The following GPC6 variants were observed in gnomAD, a reference collection of about 807,000 sequenced individuals.
GPC6 encodes glypican-6.
GPC6 carries 14 observed loss-of-function variants against 55.2 expected under a neutral mutation model. That is an observed-to-expected ratio of 0.25 (90% CI 0.17 to 0.40). GPC6 has a LOEUF of 0.40. GPC6 is among the 10% of genes least tolerant of loss of function. The pLI is 1.00. For missense variants in GPC6, 641 were observed against 708.5 expected (o/e 0.90, Z 1.08); for synonymous variants, 278 against 259.6 (o/e 1.07, Z -0.68).
chr13:94,156,730 C>T (rs1167053912), intron 4 of GPC6, among the ~76,000 whole-genome samples: 1 of 152,116 alleles, frequency 6.6e-6, no homozygotes, highest in African/African-American at 2.4e-5. Context: ...ATATTCAGAC[C>T]CATGCCCAGG....
chr13:93,283,360 A>G (rs1878009743), intron 1 of GPC6, among the ~76,000 whole-genome samples: 1 of 152,234 alleles, frequency 6.6e-6, no homozygotes, highest in East Asian at 1.9e-4. Context: ...GTAAGGTCGC[A>G]TAGGATGGCC....
chr13:93,394,412 T>C (rs954496543), intron 1 of GPC6, among the ~76,000 whole-genome samples: 1 of 152,342 alleles, frequency 6.6e-6, no homozygotes, highest in East Asian at 1.9e-4. Flanking sequence ...TTGGTGATTA[T>C]GTGGTTATTG....
chr13:93,320,287 C>A (rs1482880407), intron 1 of GPC6, among the ~76,000 whole-genome samples: 1 of 152,002 alleles, frequency 6.6e-6, no homozygotes, highest in Non-Finnish European at 1.5e-5. Context: ...CATTGCCTTG[C>A]AGTTATTAAG....
intron 2 of GPC6, among the ~76,000 whole-genome samples, chr13:93,784,536 C>T (rs577729984): frequency 2.6e-5 from 4 of 152,300 alleles, no homozygotes; most frequent in African/African-American, 9.6e-5. Context: ...AAGCACCTAG[C>T]CTTCAGCTTA....
chr13:93,944,016 G>A (rs1317724368), intron 3 of GPC6, among the ~76,000 whole-genome samples: 3 of 152,134 alleles, frequency 2.0e-5, no homozygotes, highest in Non-Finnish European at 4.4e-5. Flanking sequence ...TATCTGGGGG[G>A]TTCTCTGAAG....
intron 1 of GPC6, among the ~76,000 whole-genome samples, chr13:93,486,857 A>G (rs986793067): frequency 2.0e-5 from 3 of 152,086 alleles, no homozygotes; most frequent in African/African-American, 7.2e-5. Flanking sequence ...AGGCAGGAGA[A>G]TAGCTTGAAC....
At chr13:93,652,325 A>C (rs991988970) in intron 2 of GPC6, among the ~76,000 whole-genome samples, 8 of 151,946 alleles carry the variant, frequency 5.3e-5, no homozygotes, top group East Asian at 1.9e-4. Context: ...ATATTATCTC[A>C]CTCTAGTCTC....
chr13:94,269,557 C>T (rs1891927062), intron 4 of GPC6, among the ~76,000 whole-genome samples: 1 of 152,118 alleles, frequency 6.6e-6, no homozygotes, highest in African/African-American at 2.4e-5. Context: ...AATCAGCTAC[C>T]CCGGTGCACA....
intron 1 of GPC6, among the ~76,000 whole-genome samples, chr13:93,466,985 C>A (rs1878927605): frequency 6.6e-6 from 1 of 152,136 alleles, no homozygotes; most frequent in Non-Finnish European, 1.5e-5. Flanking sequence ...AAAGGGGAGT[C>A]TATGAGGTAA....
At chr13:93,627,098 G>A (rs573829810) in intron 2 of GPC6, among the ~76,000 whole-genome samples, 22 of 151,938 alleles carry the variant, frequency 1.4e-4, no homozygotes, top group Admixed American at 4.6e-4. Flanking sequence ...GTAGTTTGCC[G>A]CACCCATCAA....
At chr13:93,722,005 T>C (rs574678671) in intron 2 of GPC6, among the ~76,000 whole-genome samples, 17 of 151,966 alleles carry the variant, frequency 1.1e-4, no homozygotes, top group Non-Finnish European at 2.2e-4. Context: ...TAAGCCTTAC[T>C]CATTATTCAG....
intron 2 of GPC6, among the ~76,000 whole-genome samples, chr13:93,632,011 A>C (rs1879464937): frequency 6.6e-6 from 1 of 152,264 alleles, no homozygotes; most frequent in African/African-American, 2.4e-5. Flanking sequence ...AGGGAAAGGG[A>C]TAAGATTCTG....
At chr13:93,758,320 C>T (rs949034005) in intron 2 of GPC6, among the ~76,000 whole-genome samples, 1 of 152,250 alleles carries the variant, frequency 6.6e-6, no homozygotes, top group South Asian at 2.1e-4. Flanking sequence ...AAGGAAGTGT[C>T]GGCAAGTGTT....
intron 2 of GPC6, among the ~76,000 whole-genome samples, chr13:93,581,147 G>T (rs1876918049): frequency 6.6e-6 from 1 of 152,082 alleles, no homozygotes. Context: ...AACTAAAAAG[G>T]CTGACTCTCA....
At chr13:94,158,277 G>A (rs1888025925) in intron 4 of GPC6, among the ~76,000 whole-genome samples, 1 of 151,340 alleles carries the variant, frequency 6.6e-6, no homozygotes, top group African/African-American at 2.4e-5. Flanking sequence ...TTAATAAATT[G>A]TTTCAGATGT....
chr13:93,717,993 C>A (rs1883311581), intron 2 of GPC6, among the ~76,000 whole-genome samples: 1 of 151,862 alleles, frequency 6.6e-6, no homozygotes, highest in Admixed American at 6.6e-5. Flanking sequence ...GCCACATTTT[C>A]TTTATCCAGT....
intron 4 of GPC6, among the ~76,000 whole-genome samples, chr13:94,246,528 T>C (rs1001950387): frequency 6.6e-6 from 1 of 152,088 alleles, no homozygotes; most frequent in South Asian, 2.1e-4. Flanking sequence ...TCCAAGTTGA[T>C]TTTTATGCAT....
At chr13:94,117,858 T>C (rs964426084) in intron 4 of GPC6, among the ~76,000 whole-genome samples, 1 of 152,050 alleles carries the variant, frequency 6.6e-6, no homozygotes, top group African/African-American at 2.4e-5. Flanking sequence ...TTTCTGAATA[T>C]AGATTTGGAG....
chr13:93,610,742 A>G (rs980530985), intron 2 of GPC6, among the ~76,000 whole-genome samples: 2 of 152,134 alleles, frequency 1.3e-5, no homozygotes, highest in Non-Finnish European at 2.9e-5. Context: ...ATAAAATAAT[A>G]CTTACCTTGG....
Sources: allele counts gnomAD v4.1 joint callset (sites outside exome capture counted in the v4.1 genomes callset), GRCh38; gene constraint gnomAD v4.1.1; transcripts MANE v1.5; gene names NCBI Gene and HGNC (gene_info 2026-07-23, HGNC 2026-07-21).